GREB1L: variants seen among roughly 807,000 people sequenced by gnomAD.
The protein encoded by GREB1L is GREB1-like protein.
A neutral mutation model predicts 200.8 loss-of-function variants in GREB1L; 17 were observed. The observed-to-expected ratio is 0.08, with a 90% CI of 0.06 to 0.13. The LOEUF (loss-of-function observed/expected upper bound fraction) is 0.13, where lower values mean the gene tolerates loss of function less well. GREB1L is among the 10% of genes least tolerant of loss of function. The pLI is 1.00. For missense variants in GREB1L, 1,657 were observed against 2,367.7 expected, an observed-to-expected ratio of 0.70 and a Z score of 6.23; for synonymous variants, 789 against 893.0, an observed-to-expected ratio of 0.88 and a Z score of 2.08.
chr18:21,511,697 T>A (rs958455291), intron 27 of GREB1L, among the ~76,000 whole-genome samples: 1 of 152,110 alleles, frequency 6.6e-6, no homozygotes, highest in Non-Finnish European at 1.5e-5. Flanking sequence ...CAAGCTAGAG[T>A]GTGCAGTGGT....
In GREB1L at chr18:21,403,877, A is replaced by G. The variant is rs2144573951; in HGVS notation, c.715A>G (p.Arg239Gly). The G allele has an allele frequency of 1.9e-6, 3 of 1,551,152 alleles. No homozygotes were observed. Among genetic ancestry groups the G allele is most frequent in the East Asian group, 4.9e-5 (2 of 40,894 alleles). ...TGATTTTTACTCTTTTCCAGAATGT[A>G]GAAGCCGACAATCCTCTGCTTCTTG... The part of the protein sequence containing the change: ...KGPLICWKEC[R>G]SRQSSASCHS... Residue 239 changes from arginine to glycine, a missense_variant, in exon 7 of 33, where the codon AGA becomes GGA. Physicochemically the swap from Arg to Gly is moderately radical, Grantham distance 125 (BLOSUM62 -2). Coordinates refer to ENST00000424526, the MANE Select transcript of GREB1L (RefSeq NM_001142966.3).
Position 21,468,855 on chromosome 18 carries a change from A to G in GREB1L, c.2183-4176A>G, listed in dbSNP as rs2035371243. On this transcript the variant is annotated intron_variant, in intron 15 of 32. Coordinates refer to ENST00000424526, the MANE Select transcript of GREB1L (RefSeq NM_001142966.3). ...TACTAATCAATTGTTTTGTGTAGGG[A>G]ATGTTTGAGTTTTCTCACAATTAAA... 6.8e-6 allele frequency: 3 copies of G among 439,304 alleles called. No homozygotes were observed. The Admixed American group carries it at 7.8e-5, about 11-fold the overall frequency. The allele number at this position is 439,304 out of a possible 1,614,324, so 27.2% of individuals were successfully genotyped here. A position where few individuals can be genotyped will look rare whatever the true frequency, so the allele number is the denominator to read the frequency against.
At chr18:21,381,150 G>A (rs1181321395) in intron 2 of GREB1L, among the ~76,000 whole-genome samples, 1 of 152,200 alleles carries the variant, frequency 6.6e-6, no homozygotes. Context: ...GCTGAGGCAG[G>A]AGAATGGCGT....
Position 21,454,729 on chromosome 18 carries a change from A to C in GREB1L, c.2182+166A>C, listed in dbSNP as rs1053830969. ...TTGGGTTTATCTGAAGTTTTCCCTC[A>C]AAGTACTCTGTCCTTTTTCCCTCAA... On this transcript the variant is annotated intron_variant, in intron 15 of 32. Coordinates refer to ENST00000424526, the MANE Select transcript of GREB1L (RefSeq NM_001142966.3). The C allele has an allele frequency of 4.0e-5, 26 of 645,574 alleles. No homozygotes were observed. In the Admixed American group the frequency reaches 6.4e-4, roughly 16 times the overall value. 40.0% of individuals were successfully genotyped at this position (645,574 alleles called of 1,614,324 possible). A position where few individuals can be genotyped will look rare whatever the true frequency, so the allele number is the denominator to read the frequency against.
chr18:21,464,415 A>G (rs896628142), intron 15 of GREB1L, among the ~76,000 whole-genome samples: 14 of 151,922 alleles, frequency 9.2e-5, no homozygotes, highest in African/African-American at 3.4e-4. Flanking sequence ...GTAGTGGCAC[A>G]TGCCTGTAAT....
chr18:21,291,740 T>C (rs967936024), intron 1 of GREB1L, among the ~76,000 whole-genome samples: 7 of 152,144 alleles, frequency 4.6e-5, no homozygotes, highest in South Asian at 2.1e-4. Flanking sequence ...ATGCAGCTCA[T>C]TGGGGACTAA....
At chr18:21,499,670 C>A in intron 21 of GREB1L, 59 bp from the exon 22 acceptor site, 1 of 1,280,674 alleles carries the variant, frequency 7.8e-7, no homozygotes, top group Non-Finnish European at 1.1e-6. Context: ...TTGTCTGCTT[C>A]CACACCCTAG....
At chr18:21,243,863 C>T (rs941593994) in intron 1 of GREB1L, among the ~76,000 whole-genome samples, 39 of 151,954 alleles carry the variant, frequency 2.6e-4, no homozygotes, top group African/African-American at 9.2e-4. Flanking sequence ...TTTCAAACAA[C>T]AGTGAAGAGT....
At chr18:21,384,541 A>G (rs899474554) in intron 4 of GREB1L, 138 bp downstream of exon 4, 13 of 683,014 alleles carry the variant, frequency 1.9e-5, no homozygotes, top group African/African-American at 5.4e-5. Context: ...TTATGCTCTC[A>G]TTCACATTAT....
intron 1 of GREB1L, among the ~76,000 whole-genome samples, chr18:21,295,779 A>G (rs552736459): frequency 6.6e-6 from 1 of 152,376 alleles, no homozygotes; most frequent in African/African-American, 2.4e-5. Flanking sequence ...GTCAGGCTAT[A>G]TGTGGAACAC....
chr18:21,358,374 C>T (rs2039535159), intron 1 of GREB1L, among the ~76,000 whole-genome samples: 1 of 152,052 alleles, frequency 6.6e-6, no homozygotes, highest in East Asian at 1.9e-4. Flanking sequence ...GGAGTGCAGT[C>T]GTGAGATCTC....
chr18:21,395,989 A>G (rs2041045185), intron 5 of GREB1L, among the ~76,000 whole-genome samples: 1 of 151,566 alleles, frequency 6.6e-6, no homozygotes, highest in Non-Finnish European at 1.5e-5. Context: ...CGGACACCCA[A>G]AGTGATGGGA....
chr18:21,260,681 A>T (rs1598612067), intron 1 of GREB1L, among the ~76,000 whole-genome samples: 1 of 105,952 alleles, frequency 9.4e-6, no homozygotes, highest in Non-Finnish European at 1.6e-5. Flanking sequence ...CTAATTAAAA[A>T]TAGTTGTATG....
chr18:21,439,682 G>A (rs1390090658), intron 8 of GREB1L, 45 bp downstream of exon 8: 4 of 1,172,218 alleles, frequency 3.4e-6, no homozygotes, highest in Non-Finnish European at 3.7e-6. Flanking sequence ...ACTTACCAGT[G>A]GTTACAAGTG....
intron 17 of GREB1L, among the ~76,000 whole-genome samples, chr18:21,480,968 C>T (rs182189902): frequency 6.6e-6 from 1 of 150,874 alleles, no homozygotes; most frequent in East Asian, 2.0e-4. Flanking sequence ...TGCAAAGAGC[C>T]GAGATAGCAC....
chr18:21,455,319 A>AACACACAC (rs10581600), intron 15 of GREB1L, among the ~76,000 whole-genome samples: 150 of 150,748 alleles, frequency 1.0e-3, no homozygotes, highest in Non-Finnish European at 1.8e-3. Flanking sequence ...AGCTGAGGAA[A>AACACACAC]ACACACACAC....
intron 1 of GREB1L, among the ~76,000 whole-genome samples, chr18:21,337,911 T>C (rs1394887915): frequency 6.6e-6 from 1 of 151,668 alleles, no homozygotes; most frequent in Non-Finnish European, 1.5e-5. Flanking sequence ...GGCGTGAACC[T>C]GGGAGGCGGA....
rs2034411341 is a variant in GREB1L at position 21,449,501 on chromosome 18, T to C, written c.1394-9T>C. The C allele has an allele frequency of 6.8e-7, 1 of 1,480,178 alleles. No individual in the cohort carries two copies. The highest frequency in any genetic ancestry group is 9.1e-7 in the Non-Finnish European group (1 of 1,101,434). The allele number at this position is 1,480,178 out of a possible 1,614,324, so 91.7% of individuals were successfully genotyped here. On this transcript the variant is annotated splice_polypyrimidine_tract_variant and intron_variant, in intron 11 of 32. Coordinates refer to ENST00000424526, the MANE Select transcript of GREB1L (RefSeq NM_001142966.3). ...CTTTAAATTCCAGCTGTAATTCTCT[T>C]CTATATAGGTCCTGATCAGGTACCT...
At chr18:21,447,825 A>AT (rs1009410291) in intron 11 of GREB1L, among the ~76,000 whole-genome samples, 17 of 151,606 alleles carry the variant, frequency 1.1e-4, no homozygotes, top group African/African-American at 2.4e-4. Flanking sequence ...CTCCTAGGTG[A>AT]TTTTTTTTTA....
Sources: gnomAD v4.1 joint callset for allele counts (sites outside exome capture counted in the v4.1 genomes callset) on GRCh38, gnomAD v4.1.1 for gene constraint, MANE v1.5 for transcripts, NCBI Gene and HGNC (gene_info 2026-07-23, HGNC 2026-07-21) for gene names.